MACROD2: variants seen among roughly 807,000 people sequenced by gnomAD.
The protein encoded by MACROD2 is ADP-ribose glycohydrolase MACROD2.
A neutral mutation model predicts 70.4 loss-of-function variants in MACROD2; 36 were observed. That is an observed-to-expected ratio of 0.51 (90% CI 0.39 to 0.68). The LOEUF (loss-of-function observed/expected upper bound fraction) is 0.68. Ranked by LOEUF, MACROD2 falls within the 30% of genes least tolerant of loss-of-function variation. The pLI is 0.00. For synonymous variants in MACROD2, 172 were observed against 178.8 expected, an observed-to-expected ratio of 0.96 and a Z score of 0.30; for missense variants, 496 against 538.4, an observed-to-expected ratio of 0.92 and a Z score of 0.78.
chr20:15,722,816 A>T (rs1337836135), intron 8 of MACROD2, among the ~76,000 whole-genome samples: 1 of 152,124 alleles, frequency 6.6e-6, no homozygotes, highest in Admixed American at 6.6e-5. Context: ...TGAAGTCATG[A>T]GGCTATCATT....
At chr20:15,470,227 T>G (rs891030215) in intron 7 of MACROD2, among the ~76,000 whole-genome samples, 2 of 152,120 alleles carry the variant, frequency 1.3e-5, no homozygotes, top group Non-Finnish European at 2.9e-5. Flanking sequence ...TTTTTTGTAT[T>G]TTTAGTAGAG....
chr20:15,283,515 A>G (rs978263871), intron 6 of MACROD2, among the ~76,000 whole-genome samples: 7 of 151,992 alleles, frequency 4.6e-5, no homozygotes, highest in African/African-American at 1.4e-4. Flanking sequence ...TCTACTAAAA[A>G]CAAAAAATTA....
intron 5 of MACROD2, among the ~76,000 whole-genome samples, chr20:15,084,818 A>C (rs1254085562): frequency 6.6e-6 from 1 of 152,204 alleles, no homozygotes; most frequent in African/African-American, 2.4e-5. Flanking sequence ...GCAAACTTGT[A>C]ATGCTGCATT....
chr20:14,981,155 G>A (rs191652292), intron 5 of MACROD2, among the ~76,000 whole-genome samples: 16 of 152,002 alleles, frequency 1.1e-4, no homozygotes, highest in South Asian at 6.2e-4. Flanking sequence ...CCCCATCATC[G>A]CGTTCAAGGT....
chr20:15,242,228 C>T (rs755948893), intron 6 of MACROD2, among the ~76,000 whole-genome samples: 1 of 152,090 alleles, frequency 6.6e-6, no homozygotes, highest in Non-Finnish European at 1.5e-5. Context: ...CAAAGAGGGA[C>T]ATTCAACAAA....
At chr20:16,049,437 T>C (rs945782588) in intron 17 of MACROD2, among the ~76,000 whole-genome samples, 14 of 152,146 alleles carry the variant, frequency 9.2e-5, no homozygotes, top group Admixed American at 8.5e-4. Context: ...TCAATGACTT[T>C]TGCAAAGCAG....
At chr20:15,455,486 G>C (rs2046712735) in intron 7 of MACROD2, among the ~76,000 whole-genome samples, 1 of 152,154 alleles carries the variant, frequency 6.6e-6, no homozygotes, top group African/African-American at 2.4e-5. Flanking sequence ...GAAAACGTCA[G>C]GGCCCTTTAG....
intron 7 of MACROD2, among the ~76,000 whole-genome samples, chr20:15,447,707 A>C (rs907123073): frequency 6.6e-6 from 1 of 152,188 alleles, no homozygotes; most frequent in East Asian, 1.9e-4. Context: ...TGTCTCTAGC[A>C]GTAGCCATCC....
At chr20:14,510,963 G>A (rs548013116) in intron 4 of MACROD2, among the ~76,000 whole-genome samples, 2 of 152,166 alleles carry the variant, frequency 1.3e-5, no homozygotes, top group South Asian at 2.1e-4. Context: ...TGCTGTGGGT[G>A]TAGGTCCTGA....
intron 12 of MACROD2, among the ~76,000 whole-genome samples, chr20:15,958,389 G>A (rs1381363013): frequency 6.6e-6 from 1 of 152,152 alleles, no homozygotes; most frequent in African/African-American, 2.4e-5. Context: ...CAGTTATTAA[G>A]TGTTTTGAAT....
intron 8 of MACROD2, among the ~76,000 whole-genome samples, chr20:15,780,548 G>C (rs555031035): frequency 6.6e-6 from 1 of 152,154 alleles, no homozygotes; most frequent in African/African-American, 2.4e-5. Flanking sequence ...GCTTTATCAC[G>C]TAAGACTTTA....
intron 8 of MACROD2, among the ~76,000 whole-genome samples, chr20:15,524,360 C>A (rs1410413063): frequency 6.6e-6 from 1 of 152,104 alleles, no homozygotes; most frequent in Non-Finnish European, 1.5e-5. Context: ...TTGGACACAG[C>A]TGCAGACACT....
At chr20:14,256,724 A>T (rs980527377) in intron 3 of MACROD2, among the ~76,000 whole-genome samples, 5 of 152,040 alleles carry the variant, frequency 3.3e-5, no homozygotes, top group African/African-American at 1.2e-4. Flanking sequence ...ATAAACTTTC[A>T]TTTTTATCCC....
Position 15,885,826 on chromosome 20 carries a change from C to A in MACROD2, c.775+15C>A. 3 of 1,497,214 alleles carry A rather than the reference C, an allele frequency of 2.0e-6. No individual in the cohort carries two copies. The highest frequency in any genetic ancestry group is 1.3e-5 in the South Asian group (1 of 76,126). 92.7% of individuals were successfully genotyped at this position (1,497,214 alleles called of 1,614,324 possible). On this transcript the variant is annotated intron_variant, in intron 10 of 17. Coordinates refer to ENST00000684519, the MANE Select transcript of MACROD2 (RefSeq NM_001351661.2). ...AGAAGATTCAGGTATTAAATTCATA[C>A]TTTTATTATTAGGGGGTAGGTAGGG...
At chr20:15,964,615 G>A (rs1263109232) in intron 12 of MACROD2, among the ~76,000 whole-genome samples, 2 of 152,036 alleles carry the variant, frequency 1.3e-5, no homozygotes, top group Non-Finnish European at 2.9e-5. Context: ...ATCATTATGA[G>A]TAAGGATTTC....
At chr20:14,738,836 G>T (rs986905802) in intron 5 of MACROD2, among the ~76,000 whole-genome samples, 1 of 151,604 alleles carries the variant, frequency 6.6e-6, no homozygotes, top group Non-Finnish European at 1.5e-5. Flanking sequence ...TATAGAGTAC[G>T]CTATTGGAAA....
intron 3 of MACROD2, among the ~76,000 whole-genome samples, chr20:14,144,844 C>T (rs2054925405): frequency 6.6e-6 from 1 of 152,040 alleles, no homozygotes; most frequent in African/African-American, 2.4e-5. Context: ...GGGTGTTGCC[C>T]ATTGTACTGT....
At chr20:15,945,372 T>C (rs902783387) in intron 12 of MACROD2, among the ~76,000 whole-genome samples, 1 of 152,226 alleles carries the variant, frequency 6.6e-6, no homozygotes, top group Non-Finnish European at 1.5e-5. Context: ...AAAGCTCACA[T>C]GATAATCCAT....
At chr20:14,001,286 A>T (rs989573605) in intron 1 of MACROD2, among the ~76,000 whole-genome samples, 5 of 152,222 alleles carry the variant, frequency 3.3e-5, no homozygotes, top group African/African-American at 1.2e-4. Flanking sequence ...TTTTAATGAG[A>T]TATACATGTG....
Sources: allele counts gnomAD v4.1 joint callset (sites outside exome capture counted in the v4.1 genomes callset), GRCh38; gene constraint gnomAD v4.1.1; transcripts MANE v1.5; gene names NCBI Gene and HGNC (gene_info 2026-07-23, HGNC 2026-07-21).